The following EPHB2 variants were observed in gnomAD, a reference collection of about 807,000 sequenced individuals.
EPHB2 encodes the protein EPH receptor B2, also known as ephrin type-B receptor 2.
In EPHB2, 18 loss-of-function variants were observed where a neutral mutation model predicts 96.4. That is an observed-to-expected ratio of 0.19 (90% CI 0.13 to 0.28). EPHB2 has a LOEUF of 0.28. EPHB2 is among the 10% of genes least tolerant of loss of function. EPHB2 has a pLI of 1.00. For synonymous variants in EPHB2, 506 were observed against 534.1 expected (o/e 0.95, Z 0.72); for missense variants, 989 against 1,355.4 (o/e 0.73, Z 4.25).
At chr1:22,845,089 G>A (rs1026163123) in intron 3 of EPHB2, among the ~76,000 whole-genome samples, 5 of 152,344 alleles carry the variant, frequency 3.3e-5, no homozygotes, top group Admixed American at 6.5e-5. Context: ...TCCATCCAGC[G>A]TGGAGTCCCA....
In EPHB2 at chr1:22,907,818, G is replaced by A; in HGVS notation, c.2137-135G>A. 9 of 1,079,772 alleles carry A rather than the reference G, an allele frequency of 8.3e-6. No individual in the cohort carries two copies. In the South Asian group the frequency reaches 1.2e-4, roughly 14 times the overall value. The allele number at this position is 1,079,772 out of a possible 1,614,324, so 66.9% of individuals were successfully genotyped here. A position where few individuals can be genotyped will look rare whatever the true frequency, so the allele number is the denominator to read the frequency against. ...TGACGGGCCTCTCTGGGGTCCCAAA[G>A]CATCTGAGTCCTTCCCCAGGGGAGC... On this transcript the variant is annotated intron_variant, in intron 11 of 15. Coordinates refer to ENST00000374630, the MANE Select transcript of EPHB2 (RefSeq NM_017449.5).
Position 22,875,524 on chromosome 1 carries a change from C to G in EPHB2, c.1304-6835C>G, listed in dbSNP as rs1031493905. Among the ~76,000 whole-genome samples, 2 of 152,130 alleles carry G rather than the reference C, an allele frequency of 1.3e-5. No homozygotes were observed. Among genetic ancestry groups the G allele is most frequent in the African/African-American group, 4.8e-5 (2 of 41,426 alleles). Reference sequence around the variant, plus strand: ...CTGCCTGGGGCCTTTGTTTTAGTGGCCAGCCCACAAGGTCGGTAGACTCGG... The same window carrying G: ...CTGCCTGGGGCCTTTGTTTTAGTGGGCAGCCCACAAGGTCGGTAGACTCGG... On this transcript the variant is annotated intron_variant, in intron 5 of 15. Coordinates refer to ENST00000374630, the MANE Select transcript of EPHB2 (RefSeq NM_017449.5). This position sits in a 1 kb window ranked among gnomAD's most constrained non-coding sequence, Gnocchi z 4.2.
chr1:22,781,551 G>A (rs1225381115), intron 2 of EPHB2, 66 bp downstream of exon 2: 11 of 1,523,040 alleles, frequency 7.2e-6, no homozygotes, highest in African/African-American at 2.7e-5. Flanking sequence ...TGCAGGGCCC[G>A]AATGCCCCCT....
intron 1 of EPHB2, among the ~76,000 whole-genome samples, chr1:22,779,774 A>G (rs557924007): frequency 1.6e-4 from 25 of 152,344 alleles, no homozygotes; most frequent in African/African-American, 6.0e-4. Flanking sequence ...GGGCTGGACC[A>G]GGGATAGCAT....
At chr1:22,740,919 G>C (rs759822482) in intron 1 of EPHB2, among the ~76,000 whole-genome samples, 1 of 152,082 alleles carries the variant, frequency 6.6e-6, no homozygotes, top group Non-Finnish European at 1.5e-5. Context: ...GCTGGGGGGC[G>C]GTCCGTGTGA....
intron 1 of EPHB2, among the ~76,000 whole-genome samples, chr1:22,766,533 G>A (rs1644309687): frequency 6.6e-6 from 1 of 152,158 alleles, no homozygotes; most frequent in Non-Finnish European, 1.5e-5. Flanking sequence ...TGTGCAAAGG[G>A]CGTTGTGTCC....
At chr1:22,774,787 C>CTAG (rs1474071686) in intron 1 of EPHB2, 14 of 215,486 alleles carry the variant, frequency 6.5e-5, no homozygotes, top group African/African-American at 1.9e-4. Context: ...GATGCATGTG[C>CTAG]TAGTGCCAGG....
At chr1:22,902,957 A>G (rs547774511) in intron 9 of EPHB2, among the ~76,000 whole-genome samples, 2 of 152,248 alleles carry the variant, frequency 1.3e-5, no homozygotes, top group Non-Finnish European at 2.9e-5. Context: ...TTCCAGGTAG[A>G]GAGCACAACA....
At position 22,885,048 on chromosome 1, in the gene EPHB2, G is replaced by A. The variant is rs567308139; in HGVS notation, c.1428+2565G>A. On this transcript the variant is annotated intron_variant, in intron 6 of 15. Coordinates refer to ENST00000374630, the MANE Select transcript of EPHB2 (RefSeq NM_017449.5). ...TGGATGACTCAGGAAGTGGACACAC[G>A]AGGGCCTGAGCTGTGGGTGGTGTGA... is the stretch of plus-strand genomic sequence containing the variant. Among the ~76,000 whole-genome samples, 54 of 152,248 alleles carry A rather than the reference G, an allele frequency of 3.5e-4. 1 individual carries two copies. Among genetic ancestry groups the A allele is most frequent in the South Asian group, 1.0e-3 (5 of 4,814 alleles).
chr1:22,720,282 T>G (rs1643422648), intron 1 of EPHB2, among the ~76,000 whole-genome samples: 1 of 152,154 alleles, frequency 6.6e-6, no homozygotes. Context: ...CCTCATCAGG[T>G]TCAAGGAAAA....
At chr1:22,778,214 C>T (rs538032966) in intron 1 of EPHB2, among the ~76,000 whole-genome samples, 6 of 152,164 alleles carry the variant, frequency 3.9e-5, no homozygotes, top group East Asian at 1.9e-4. Flanking sequence ...TTAGTAGAGA[C>T]GGGGTTTGAC....
At chr1:22,901,804 C>CGTGTGTGT (rs1162286889) in intron 9 of EPHB2, among the ~76,000 whole-genome samples, 1 of 109,232 alleles carries the variant, frequency 9.2e-6, no homozygotes, top group Non-Finnish European at 1.9e-5. Context: ...CATTTAACTT[C>CGTGTGTGT]GTGTGTGTGT....
At chr1:22,824,054 A>C (rs1018158862) in intron 3 of EPHB2, among the ~76,000 whole-genome samples, 2 of 152,222 alleles carry the variant, frequency 1.3e-5, no homozygotes, top group African/African-American at 2.4e-5. Flanking sequence ...GGACATATTC[A>C]TGCTAAATAA....
intron 3 of EPHB2, among the ~76,000 whole-genome samples, chr1:22,821,185 A>G (rs754033075): frequency 1.4e-4 from 22 of 152,190 alleles, no homozygotes; most frequent in Non-Finnish European, 2.1e-4. Flanking sequence ...TGCTTCTTTT[A>G]AGGACAATTC....
chr1:22,855,281 ACTC>A (rs1164616473), intron 3 of EPHB2, among the ~76,000 whole-genome samples: 1 of 151,748 alleles, frequency 6.6e-6, no homozygotes, highest in African/African-American at 2.4e-5. Flanking sequence ...ATCCAGTCAA[ACTC>A]CTCTCCCCAA....
chr1:22,784,553 C>T lies in EPHB2; in HGVS notation c.288C>T (p.Asp96=). The T allele has an allele frequency of 3.1e-6, 5 of 1,614,202 alleles. No individual in the cohort carries two copies. The South Asian group carries it at 5.5e-5, about 18-fold the overall frequency. ...IHVEMKFSVR[D]CSSIPSVPGS... ...TGGAGATGAAGTTTTCGGTGCGTGACTGCAGCAGCATCCCCAGCGTGCCTG... is the reference window on the plus strand; with the variant it reads ...TGGAGATGAAGTTTTCGGTGCGTGATTGCAGCAGCATCCCCAGCGTGCCTG... The change falls in exon 3 of 16, where the codon GAC becomes GAT. Residue 96 remains aspartate (D), a synonymous_variant. Transcript: ENST00000374630. The surrounding 1 kb of genome is among the most constrained non-coding windows in gnomAD (Gnocchi z 5.1).
At chr1:22,770,900 G>C (rs905652341) in intron 1 of EPHB2, among the ~76,000 whole-genome samples, 1 of 151,930 alleles carries the variant, frequency 6.6e-6, no homozygotes, top group South Asian at 2.1e-4. Flanking sequence ...GGATAGATGG[G>C]TGGGTGGGTA....
intron 1 of EPHB2, among the ~76,000 whole-genome samples, chr1:22,721,466 G>A (rs1349180390): frequency 2.0e-5 from 3 of 152,164 alleles, no homozygotes; most frequent in South Asian, 4.2e-4. Flanking sequence ...GAATGAGTGA[G>A]GTGACTTGAC....
chr1:22,843,992 G>A (rs1381071746), intron 3 of EPHB2, among the ~76,000 whole-genome samples: 1 of 152,216 alleles, frequency 6.6e-6, no homozygotes, highest in African/African-American at 2.4e-5. Context: ...CTTTTTTATG[G>A]CTGTGTAGTA....
Sources: gnomAD v4.1 joint callset for allele counts (sites outside exome capture counted in the v4.1 genomes callset) on GRCh38, gnomAD v4.1.1 for gene constraint, Gnocchi (gnomAD v3.1) non-coding constraint, MANE v1.5 for transcripts, NCBI Gene and HGNC (gene_info 2026-07-23, HGNC 2026-07-21) for gene names.